The following OSBPL9 variants were observed in gnomAD, a reference collection of about 807,000 sequenced individuals.
OSBPL9 encodes oxysterol-binding protein-related protein 9.
In OSBPL9, 40 loss-of-function variants were observed where a neutral mutation model predicts 106.6. That is an observed-to-expected ratio of 0.38 (90% CI 0.29 to 0.49). The LOEUF is 0.49. Ranked by LOEUF, OSBPL9 falls within the 20% of genes least tolerant of loss-of-function variation. The pLI, the probability that OSBPL9 is intolerant of heterozygous loss-of-function variation, is 0.97. For missense variants in OSBPL9, 609 were observed against 887.2 expected (o/e 0.69, Z 3.98); for synonymous variants, 269 against 295.4 (o/e 0.91, Z 0.92).
intron 4 of OSBPL9, among the ~76,000 whole-genome samples, chr1:51,725,448 T>C (rs1662946887): frequency 6.6e-6 from 1 of 152,248 alleles, no homozygotes; most frequent in Admixed American, 6.5e-5. Flanking sequence ...ATGCTTACTG[T>C]GTCTCTTCCA....
chr1:51,633,123 AT>A, intron 1 of OSBPL9, among the ~76,000 whole-genome samples: 1 of 151,662 alleles, frequency 6.6e-6, no homozygotes, highest in South Asian at 2.1e-4. Flanking sequence ...CGCCTGGCTA[AT>A]TTTTTTATAT....
rs534584396 is a variant in OSBPL9 at position 51,763,735 on chromosome 1, G to A, written c.778+1764G>A. ...GAAGCTCTTGGGAAAAGGCTGATAA[G>A]CAATTTGAATAATGAAATTGAAATA... On this transcript the variant is annotated intron_variant, in intron 11 of 23. Transcript: ENST00000428468. Among the ~76,000 whole-genome samples, 23 of 152,320 alleles carry A rather than the reference G, an allele frequency of 1.5e-4. No homozygotes were observed. The South Asian group carries it at 4.8e-3, about 32-fold the overall frequency.
At chr1:51,666,704 A>T (rs1295044762) in intron 2 of OSBPL9, among the ~76,000 whole-genome samples, 1 of 152,186 alleles carries the variant, frequency 6.6e-6, no homozygotes, top group Non-Finnish European at 1.5e-5. Flanking sequence ...CTGAATTCAT[A>T]TGGGGTGTCT....
intron 17 of OSBPL9, among the ~76,000 whole-genome samples, chr1:51,783,355 T>TA (rs1421493474): frequency 2.0e-5 from 3 of 150,934 alleles, no homozygotes; most frequent in East Asian, 1.9e-4. Context: ...TCTTATTTTT[T>TA]TTTTTTTTTT....
intron 2 of OSBPL9, among the ~76,000 whole-genome samples, chr1:51,657,155 C>T (rs1401362546): frequency 3.3e-5 from 5 of 152,128 alleles, no homozygotes; most frequent in Non-Finnish European, 4.4e-5. Context: ...TGAAAATAAT[C>T]AGTAAATGTT....
At chr1:51,734,506 A>G (rs78647837) in intron 4 of OSBPL9, among the ~76,000 whole-genome samples, 32 of 152,320 alleles carry the variant, frequency 2.1e-4, no homozygotes, top group African/African-American at 7.7e-4. Context: ...ATTAATTTTT[A>G]TTAAGGTGAA....
At chr1:51,564,813 G>A in the OSBPL9 span, among the ~76,000 whole-genome samples, 1 of 152,160 alleles carries the variant, frequency 6.6e-6, no homozygotes, top group Non-Finnish European at 1.5e-5. Context: ...ACTCAACAGG[G>A]AGCATAGAGG....
intron 9 of OSBPL9, among the ~76,000 whole-genome samples, chr1:51,757,453 G>A (rs1447938183): frequency 6.6e-6 from 1 of 151,778 alleles, no homozygotes; most frequent in Non-Finnish European, 1.5e-5. Context: ...GGTCTCCAAA[G>A]ACTCCAAAGG....
At chr1:51,576,131 T>C (rs773461231), upstream of OSBPL9, among the ~76,000 whole-genome samples, 3 of 152,248 alleles carry the variant, frequency 2.0e-5, no homozygotes, top group Non-Finnish European at 4.4e-5. Flanking sequence ...TGTTAATCTG[T>C]CTGATGTCAA....
At chr1:51,616,212 TG>T (rs1644054706), upstream of OSBPL9, among the ~76,000 whole-genome samples, 1 of 152,144 alleles carries the variant, frequency 6.6e-6, no homozygotes, top group Non-Finnish European at 1.5e-5. Flanking sequence ...CTCGAACGCC[TG>T]ATCTCAAGTG....
intron 6 of OSBPL9, 69 bp from the exon 7 acceptor site, chr1:51,748,300 G>T: frequency 2.7e-6 from 4 of 1,479,634 alleles, no homozygotes; most frequent in Non-Finnish European, 3.6e-6. Context: ...TAAATGACTA[G>T]CCAGTAAAAA....
chr1:51,682,652 G>A (rs1329469287), intron 3 of OSBPL9, among the ~76,000 whole-genome samples: 1 of 151,846 alleles, frequency 6.6e-6, no homozygotes, highest in Non-Finnish European at 1.5e-5. Context: ...CAGCTACTCA[G>A]GAGGCTGAGG....
chr1:51,634,558 A>C (rs532249302), intron 1 of OSBPL9, among the ~76,000 whole-genome samples: 1 of 152,236 alleles, frequency 6.6e-6, no homozygotes, highest in Admixed American at 6.5e-5. Flanking sequence ...ATTCACGTGC[A>C]TAAGCATGGG....
chr1:51,788,157 C>T lies in OSBPL9; in HGVS notation c.*368C>T, dbSNP rs1006918303. 75 of 196,760 alleles carry T rather than the reference C, an allele frequency of 3.8e-4. No individual in the cohort carries two copies. The highest frequency in any genetic ancestry group is 7.0e-4 in the Non-Finnish European group (67 of 95,304). The allele number at this position is 196,760 out of a possible 1,614,324, so 12.2% of individuals were successfully genotyped here. ...TCTTAGTTCATATAATCTCGGGATA[C>T]ACACACACACACACATATATATACA... is the stretch of plus-strand genomic sequence containing the variant. On this transcript the variant is annotated 3_prime_UTR_variant, in exon 24 of 24. Transcript: ENST00000428468.
At chr1:51,560,174 C>G in the OSBPL9 span, among the ~76,000 whole-genome samples, 2 of 152,348 alleles carry the variant, frequency 1.3e-5, no homozygotes, top group East Asian at 3.9e-4. Flanking sequence ...AATCACTGAT[C>G]AGAGACACTG....
upstream of OSBPL9, among the ~76,000 whole-genome samples, chr1:51,572,756 G>A (rs1307928338): frequency 6.6e-6 from 1 of 152,200 alleles, no homozygotes; most frequent in Non-Finnish European, 1.5e-5. Flanking sequence ...GAAGACTAAC[G>A]GGGATTTGTG....
intron 1 of OSBPL9, among the ~76,000 whole-genome samples, chr1:51,633,658 G>C (rs1407707008): frequency 6.6e-6 from 1 of 152,024 alleles, no homozygotes; most frequent in East Asian, 1.9e-4. Context: ...CTTGCACTCT[G>C]TCACGGGGGC....
the OSBPL9 span, among the ~76,000 whole-genome samples, chr1:51,550,239 G>A: frequency 6.6e-6 from 1 of 152,184 alleles, no homozygotes; most frequent in African/African-American, 2.4e-5. Flanking sequence ...TCTATAAAGA[G>A]CTACAAGAAT....
intron 3 of OSBPL9, among the ~76,000 whole-genome samples, chr1:51,704,853 C>T (rs1449334484): frequency 6.6e-6 from 1 of 152,140 alleles, no homozygotes; most frequent in Admixed American, 6.5e-5. Flanking sequence ...CTCCATGGCA[C>T]TGAGGTTCAA....
Sources: allele counts gnomAD v4.1 joint callset (sites outside exome capture counted in the v4.1 genomes callset), GRCh38; gene constraint gnomAD v4.1.1; transcripts MANE v1.5; gene names NCBI Gene and HGNC (gene_info 2026-07-23, HGNC 2026-07-21).